Variants in CHSY1 observed in about 807,000 individuals in gnomAD.
CHSY1 encodes N-acetylgalactosaminyl-proteoglycan 3-beta-glucuronosyltransferase 1.
A neutral mutation model predicts 59.8 loss-of-function variants in CHSY1; 13 were observed. The ratio of observed to expected loss-of-function variants is 0.22; its 90% CI spans 0.14 to 0.35. The LOEUF (loss-of-function observed/expected upper bound fraction) is 0.35. Among genes scored for constraint, CHSY1 ranks in the 10% least tolerant of loss-of-function variants. CHSY1 has a pLI of 1.00. For synonymous variants in CHSY1, 459 were observed against 401.2 expected (o/e 1.14, Z -1.72); for missense variants, 947 against 1,030.6 (o/e 0.92, Z 1.11).
intron 1 of CHSY1, among the ~76,000 whole-genome samples, chr15:101,244,701 G>T (rs1161495199): frequency 6.6e-6 from 1 of 152,156 alleles, no homozygotes; most frequent in Admixed American, 6.5e-5. Flanking sequence ...GAAGGGCTTT[G>T]TACTGGCCAT....
intron 2 of CHSY1, among the ~76,000 whole-genome samples, chr15:101,192,509 C>T (rs1253841949): frequency 6.6e-6 from 1 of 152,152 alleles, no homozygotes; most frequent in East Asian, 1.9e-4. Context: ...AACCTTAACC[C>T]CAACTCCCCC....
intron 1 of CHSY1, among the ~76,000 whole-genome samples, chr15:101,250,760 GC>G (rs1303728116): frequency 6.6e-6 from 1 of 152,218 alleles, no homozygotes; most frequent in Non-Finnish European, 1.5e-5. Context: ...TCCAGTATCA[GC>G]CCCAACTGCC....
intron 1 of CHSY1, among the ~76,000 whole-genome samples, chr15:101,236,836 T>C (rs2038948276): frequency 6.7e-6 from 1 of 149,864 alleles, no homozygotes; most frequent in East Asian, 2.0e-4. Context: ...AAAAAATAAA[T>C]AAATAAAATA....
At chr15:101,216,853 C>T (rs2038738330) in intron 2 of CHSY1, among the ~76,000 whole-genome samples, 1 of 152,146 alleles carries the variant, frequency 6.6e-6, no homozygotes, top group Non-Finnish European at 1.5e-5. Context: ...CTTTACAAAG[C>T]ACAAAGAGCT....
At chr15:101,219,366 C>T (rs904466588) in intron 2 of CHSY1, among the ~76,000 whole-genome samples, 2 of 152,116 alleles carry the variant, frequency 1.3e-5, no homozygotes, top group African/African-American at 2.4e-5. Context: ...GGACTGCAGA[C>T]GACAAAACAA....
At chr15:101,197,087 T>C (rs921300014) in intron 2 of CHSY1, among the ~76,000 whole-genome samples, 1 of 152,208 alleles carries the variant, frequency 6.6e-6, no homozygotes, top group Non-Finnish European at 1.5e-5. Context: ...AGTGGCATTA[T>C]GCAATTTGAG....
At chr15:101,249,166 C>A (rs967068089) in intron 1 of CHSY1, among the ~76,000 whole-genome samples, 5 of 151,844 alleles carry the variant, frequency 3.3e-5, no homozygotes, top group Non-Finnish European at 5.9e-5. Flanking sequence ...TATATTGATA[C>A]CGTAACCATG....
chr15:101,205,462 G>C lies in CHSY1; in HGVS notation c.817-26482C>G, dbSNP rs543656605. ...TGACATAGACTCCACAATGTTTCCT[G>C]ATAACTAGAGAAAACACACAGGTCT... is the stretch of plus-strand genomic sequence containing the variant. On this transcript the variant is annotated intron_variant, in intron 2 of 2. Transcript: ENST00000254190. 1.9e-4 allele frequency among the ~76,000 whole-genome samples: 29 copies of C among 152,248 alleles called. 1 individual carries two copies. The South Asian group carries it at 5.6e-3, about 29-fold the overall frequency.
intron 2 of CHSY1, among the ~76,000 whole-genome samples, chr15:101,220,882 T>A (rs534217677): frequency 6.6e-6 from 1 of 152,304 alleles, no homozygotes; most frequent in East Asian, 1.9e-4. Context: ...GACCATGGTT[T>A]GCCTCTCACT....
At chr15:101,198,648 A>G (rs753431600) in intron 2 of CHSY1, among the ~76,000 whole-genome samples, 17 of 152,198 alleles carry the variant, frequency 1.1e-4, no homozygotes, top group African/African-American at 1.7e-4. Flanking sequence ...CAAAAACTGG[A>G]TAACTTGAGA....
intron 2 of CHSY1, among the ~76,000 whole-genome samples, chr15:101,229,640 C>T (rs2038873460): frequency 6.6e-6 from 1 of 152,206 alleles, no homozygotes; most frequent in South Asian, 2.1e-4. Context: ...GGTACAGTGG[C>T]TCACACTTGT....
At chr15:101,198,846 G>T (rs531819158) in intron 2 of CHSY1, among the ~76,000 whole-genome samples, 111 of 152,264 alleles carry the variant, frequency 7.3e-4, no homozygotes, top group African/African-American at 2.4e-3. Context: ...TGAGCAGCTG[G>T]GAGCGAGATC....
intron 2 of CHSY1, among the ~76,000 whole-genome samples, chr15:101,220,243 G>C (rs985990794): frequency 1.3e-5 from 2 of 151,994 alleles, no homozygotes; most frequent in East Asian, 3.9e-4. Context: ...TCCTCAGCTG[G>C]TGCCCCCTCA....
intron 1 of CHSY1, among the ~76,000 whole-genome samples, chr15:101,245,050 C>T (rs1299931729): frequency 2.0e-5 from 3 of 152,200 alleles, no homozygotes; most frequent in Non-Finnish European, 4.4e-5. Context: ...AGCTAGGTAC[C>T]GGTACTTGAC....
intron 2 of CHSY1, among the ~76,000 whole-genome samples, chr15:101,210,119 A>C (rs1278625521): frequency 6.6e-6 from 1 of 152,250 alleles, no homozygotes; most frequent in Non-Finnish European, 1.5e-5. Context: ...AACAAAGTTC[A>C]AAAACAAGAT....
chr15:101,176,601 T>A lies in CHSY1; in HGVS notation c.*787A>T, dbSNP rs1222742712. On this transcript the variant is annotated 3_prime_UTR_variant, in exon 3 of 3. Transcript: ENST00000254190. ...TTGCTTTAAAACCTACGTGGCCAGC[T>A]GGGCTTGCATGGTGAAACCCCGTCT... The A allele has an allele frequency of 2.6e-6, 1 of 389,358 alleles. No homozygotes were observed. Among genetic ancestry groups the A allele is most frequent in the Non-Finnish European group, 4.5e-6 (1 of 220,856 alleles). 24.1% of individuals were successfully genotyped at this position (389,358 alleles called of 1,614,324 possible).
intron 1 of CHSY1, among the ~76,000 whole-genome samples, chr15:101,237,246 A>C (rs921397796): frequency 1.3e-5 from 2 of 151,270 alleles, no homozygotes; most frequent in South Asian, 4.2e-4. Context: ...AAAAAAAAAA[A>C]AACAGAGGCA....
chr15:101,197,473 C>T (rs1336775036), intron 2 of CHSY1, among the ~76,000 whole-genome samples: 1 of 152,130 alleles, frequency 6.6e-6, no homozygotes, highest in East Asian at 1.9e-4. Flanking sequence ...TCCATCTGGA[C>T]TGATCTGCTG....
At chr15:101,201,259 C>T (rs2038571606) in intron 2 of CHSY1, among the ~76,000 whole-genome samples, 1 of 152,102 alleles carries the variant, frequency 6.6e-6, no homozygotes, top group Admixed American at 6.6e-5. Context: ...GGCAAAAATC[C>T]ACTACATAAA....
Sources: gnomAD v4.1 joint callset for allele counts (sites outside exome capture counted in the v4.1 genomes callset) on GRCh38, gnomAD v4.1.1 for gene constraint, MANE v1.5 for transcripts, NCBI Gene and HGNC (gene_info 2026-07-23, HGNC 2026-07-21) for gene names.